Variants in ESR1 observed in about 807,000 individuals in gnomAD.
The protein encoded by ESR1 is estrogen receptor 1, also known as estrogen receptor.
Under a neutral mutation model 52.7 loss-of-function variants are expected in ESR1, and 12 were observed. That is an observed-to-expected ratio of 0.23 (90% CI 0.15 to 0.37). ESR1 has a LOEUF of 0.37. Ranked by LOEUF, ESR1 falls within the 10% of genes least tolerant of loss-of-function variation. ESR1 has a pLI of 1.00. For synonymous variants in ESR1, 305 were observed against 316.8 expected (o/e 0.96, Z 0.39); for missense variants, 584 against 779.7 (o/e 0.75, Z 2.99).
intron 6 of ESR1, chr6:152,122,054 T>C (rs1327923879): frequency 6.5e-6 from 2 of 305,754 alleles, no homozygotes; most frequent in Non-Finnish European, 1.3e-5. Flanking sequence ...GAGGGTCATT[T>C]ATCTGATGGT....
intron 6 of ESR1, among the ~76,000 whole-genome samples, chr6:152,117,104 G>C (rs2051219630): frequency 6.6e-6 from 1 of 152,164 alleles, no homozygotes; most frequent in South Asian, 2.1e-4. Context: ...TGAGCCACAG[G>C]TGAGCCAAAC....
At chr6:151,717,313 C>T (rs1171404822) in intron 2 of ESR1, among the ~76,000 whole-genome samples, 2 of 152,130 alleles carry the variant, frequency 1.3e-5, no homozygotes, top group African/African-American at 4.8e-5. Context: ...GCCATCTTGC[C>T]CCTTGGTCTG....
At chr6:151,902,667 CTTTG>C (rs1223566087) in intron 3 of ESR1, among the ~76,000 whole-genome samples, 4 of 152,126 alleles carry the variant, frequency 2.6e-5, no homozygotes, top group South Asian at 2.1e-4. Flanking sequence ...ACCTTTGTCT[CTTTG>C]TTTGTCAAAT....
chr6:151,959,729 A>C (rs974132297), intron 4 of ESR1, among the ~76,000 whole-genome samples: 1 of 152,026 alleles, frequency 6.6e-6, no homozygotes, highest in Non-Finnish European at 1.5e-5. Flanking sequence ...ATCAAATTGC[A>C]TTTGGTGAGA....
downstream of ESR1, among the ~76,000 whole-genome samples, chr6:152,103,980 C>CTTTTTTT (rs369261779): frequency 4.3e-5 from 4 of 93,884 alleles, no homozygotes; most frequent in South Asian, 4.4e-4. Flanking sequence ...TTCATTCTAC[C>CTTTTTTT]TTTTTTTTTT....
chr6:151,824,369 T>G (rs1384624809), intron 1 of ESR1, among the ~76,000 whole-genome samples: 1 of 152,224 alleles, frequency 6.6e-6, no homozygotes, highest in Non-Finnish European at 1.5e-5. Flanking sequence ...ATTCTGGATA[T>G]TAGCCCTTTA....
intron 6 of ESR1, among the ~76,000 whole-genome samples, chr6:152,075,516 A>G (rs1381266385): frequency 6.6e-6 from 1 of 152,226 alleles, no homozygotes; most frequent in African/African-American, 2.4e-5. Context: ...ACACCTAAAG[A>G]ATATGCACCA....
intron 1 of ESR1, among the ~76,000 whole-genome samples, chr6:151,698,682 C>A (rs1045695393): frequency 2.6e-5 from 4 of 152,070 alleles, no homozygotes; most frequent in African/African-American, 9.7e-5. Context: ...AGGCAAGGAG[C>A]TACTGGGGGT....
chr6:151,733,621 A>C (rs1305748145), intron 2 of ESR1, among the ~76,000 whole-genome samples: 1 of 152,158 alleles, frequency 6.6e-6, no homozygotes, highest in Non-Finnish European at 1.5e-5. Flanking sequence ...AGTTGAAAAG[A>C]CCTTGCATTT....
At chr6:151,996,189 A>G (rs1268706857) in intron 4 of ESR1, among the ~76,000 whole-genome samples, 1 of 152,114 alleles carries the variant, frequency 6.6e-6, no homozygotes, top group Admixed American at 6.5e-5. Context: ...AAGGACAGGG[A>G]CTTCAGGACC....
intron 1 of ESR1, among the ~76,000 whole-genome samples, chr6:151,695,355 G>A (rs767130675): frequency 1.1e-4 from 16 of 152,134 alleles, no homozygotes; most frequent in Admixed American, 4.6e-4. Flanking sequence ...ACAACACACA[G>A]GCCAATCACA....
chr6:152,002,222 G>GTGTGTGTGTGTGTGT (rs1562654907), intron 4 of ESR1, among the ~76,000 whole-genome samples: 8 of 148,630 alleles, frequency 5.4e-5, no homozygotes, highest in East Asian at 2.0e-4. Context: ...GTGTGTGTGT[G>GTGTGTGTGTGTGTGT]GAATATCTCA....
intron 2 of ESR1, among the ~76,000 whole-genome samples, chr6:151,749,478 G>A (rs1348285957): frequency 6.6e-6 from 1 of 152,072 alleles, no homozygotes; most frequent in Non-Finnish European, 1.5e-5. Context: ...ATTATTGTTA[G>A]CCACAGTCAC....
chr6:152,114,206 G>A (rs1309334672), intron 6 of ESR1, among the ~76,000 whole-genome samples: 1 of 152,168 alleles, frequency 6.6e-6, no homozygotes, highest in African/African-American at 2.4e-5. Flanking sequence ...AGGAAAGAAA[G>A]GTACAGGTAG....
At chr6:151,701,598 G>A (rs900016490) in intron 1 of ESR1, among the ~76,000 whole-genome samples, 3 of 151,422 alleles carry the variant, frequency 2.0e-5, no homozygotes, top group South Asian at 2.1e-4. Context: ...AGTTGGTGTA[G>A]TGGATTATGG....
At chr6:151,705,769 T>G (rs1017068936) in intron 2 of ESR1, among the ~76,000 whole-genome samples, 1 of 152,212 alleles carries the variant, frequency 6.6e-6, no homozygotes, top group African/African-American at 2.4e-5. Flanking sequence ...TTTATTGTAA[T>G]TCCTGCCTTT....
intron 2 of ESR1, among the ~76,000 whole-genome samples, chr6:151,783,032 T>C (rs1195700643): frequency 6.6e-6 from 1 of 152,226 alleles, no homozygotes; most frequent in Non-Finnish European, 1.5e-5. Context: ...AGATAAATAT[T>C]TAAACGTATG....
intron 2 of ESR1, among the ~76,000 whole-genome samples, chr6:151,777,790 A>G (rs1208734950): frequency 6.6e-6 from 1 of 151,792 alleles, no homozygotes; most frequent in African/African-American, 2.4e-5. Flanking sequence ...GGAAATCCCA[A>G]CCCTACTAAA....
At chr6:151,856,490 TA>T in intron 2 of ESR1, among the ~76,000 whole-genome samples, 1 of 152,334 alleles carries the variant, frequency 6.6e-6, no homozygotes, top group East Asian at 1.9e-4. Context: ...TAGTAGATGA[TA>T]CACTTAGATA....
Sources: allele counts gnomAD v4.1 joint callset (sites outside exome capture counted in the v4.1 genomes callset), GRCh38; gene constraint gnomAD v4.1.1; transcripts MANE v1.5; gene names NCBI Gene and HGNC (gene_info 2026-07-23, HGNC 2026-07-21).